Variants in STPG2 observed in about 807,000 individuals in gnomAD.
STPG2 encodes the protein sperm-tail PG-rich repeat-containing protein 2.
A neutral mutation model predicts 54.2 loss-of-function variants in STPG2; 56 were observed. That is an observed-to-expected ratio of 1.03 (90% confidence interval 0.83 to 1.29). STPG2 has a LOEUF of 1.29. Ranked by LOEUF, STPG2 falls within the 50% of genes most tolerant of loss-of-function variation. The pLI is 0.00. For synonymous variants in STPG2, 200 were observed against 181.8 expected (o/e 1.10, Z -0.81); for missense variants, 596 against 544.9 (o/e 1.09, Z -0.93).
chr4:97,963,581 G>A (rs1733977082), intron 7 of STPG2, among the ~76,000 whole-genome samples: 1 of 152,010 alleles, frequency 6.6e-6, no homozygotes, highest in Admixed American at 6.6e-5. Context: ...CTTGAACCCA[G>A]GAGGGCAAGG....
At chr4:97,842,101 C>T (rs956438256) in intron 8 of STPG2, among the ~76,000 whole-genome samples, 1 of 151,814 alleles carries the variant, frequency 6.6e-6, no homozygotes, top group Non-Finnish European at 1.5e-5. Flanking sequence ...TTGTTCCTTA[C>T]ATCCATATTA....
intron 7 of STPG2, among the ~76,000 whole-genome samples, chr4:97,969,202 T>A (rs1407968593): frequency 6.6e-6 from 1 of 152,236 alleles, no homozygotes; most frequent in Non-Finnish European, 1.5e-5. Context: ...TTGCTGCAAC[T>A]GTTACTGCTG....
At chr4:97,791,140 G>A (rs1225578441) in intron 9 of STPG2, among the ~76,000 whole-genome samples, 1 of 152,122 alleles carries the variant, frequency 6.6e-6, no homozygotes, top group Non-Finnish European at 1.5e-5. Flanking sequence ...ATAAAACCTT[G>A]TGGGTAAGGT....
intron 10 of STPG2, among the ~76,000 whole-genome samples, chr4:97,708,041 C>T (rs1055852940): frequency 2.0e-5 from 3 of 152,040 alleles, no homozygotes; most frequent in Non-Finnish European, 4.4e-5. Flanking sequence ...TTTGGTCTGA[C>T]TTTCTACTCT....
At chr4:98,049,338 G>A (rs1420361788) in intron 5 of STPG2, among the ~76,000 whole-genome samples, 2 of 152,138 alleles carry the variant, frequency 1.3e-5, no homozygotes, top group African/African-American at 4.8e-5. Context: ...ATGAGCTTGA[G>A]CTTCCTCAGC....
At chr4:97,992,039 T>C (rs1436217258) in intron 5 of STPG2, among the ~76,000 whole-genome samples, 1 of 152,160 alleles carries the variant, frequency 6.6e-6, no homozygotes, top group Non-Finnish European at 1.5e-5. Context: ...TTTCTCCCAC[T>C]CTATGGGTTA....
intron 4 of STPG2, among the ~76,000 whole-genome samples, chr4:97,453,441 G>T (rs1729429706): frequency 6.6e-6 from 1 of 152,218 alleles, no homozygotes; most frequent in Non-Finnish European, 1.5e-5. Context: ...GCCAGGCTGA[G>T]TGGGCAGAAC....
chr4:97,628,170 G>C (rs959470336), intron 10 of STPG2, among the ~76,000 whole-genome samples: 1 of 152,120 alleles, frequency 6.6e-6, no homozygotes, highest in African/African-American at 2.4e-5. Context: ...TCAGTGTGTA[G>C]TATAGTCAGG....
intron 7 of STPG2, among the ~76,000 whole-genome samples, chr4:97,964,790 GTTA>G (rs1246862994): frequency 6.6e-6 from 1 of 152,100 alleles, no homozygotes; most frequent in African/African-American, 2.4e-5. Context: ...ACAAAATTCA[GTTA>G]TTACTTGTAC....
chr4:97,669,744 C>T (rs1410482785), intron 10 of STPG2, among the ~76,000 whole-genome samples: 2 of 111,392 alleles, frequency 1.8e-5, no homozygotes, highest in Non-Finnish European at 3.6e-5. Flanking sequence ...TGCAGTGAGC[C>T]GAGATTGCGC....
chr4:97,882,542 A>C (rs1323795067), intron 8 of STPG2, among the ~76,000 whole-genome samples: 1 of 152,204 alleles, frequency 6.6e-6, no homozygotes, highest in Non-Finnish European at 1.5e-5. Context: ...CATGGATCTG[A>C]CTAAAGCTAT....
At chr4:98,061,748 C>A (rs1219073374) in intron 5 of STPG2, among the ~76,000 whole-genome samples, 1 of 152,054 alleles carries the variant, frequency 6.6e-6, no homozygotes, top group Non-Finnish European at 1.5e-5. Context: ...CAATGAGATA[C>A]CAATCTCACA....
intron 5 of STPG2, among the ~76,000 whole-genome samples, chr4:98,046,101 T>A (rs1737120063): frequency 1.7e-5 from 1 of 59,312 alleles, no homozygotes; most frequent in Non-Finnish European, 3.9e-5. Flanking sequence ...TGACCTGTCT[T>A]CAAATTCACT....
intron 10 of STPG2, among the ~76,000 whole-genome samples, chr4:97,692,562 C>T (rs1723406261): frequency 6.6e-6 from 1 of 152,062 alleles, no homozygotes; most frequent in South Asian, 2.1e-4. Context: ...AACAACCAAA[C>T]CTAACAATAA....
chr4:98,011,934 T>A (rs1471549453), intron 5 of STPG2, among the ~76,000 whole-genome samples: 1 of 152,208 alleles, frequency 6.6e-6, no homozygotes, highest in Non-Finnish European at 1.5e-5. Context: ...TGATAGTTTA[T>A]TTTGCTGTGC....
intron 9 of STPG2, among the ~76,000 whole-genome samples, chr4:97,838,529 A>C (rs1405744916): frequency 6.7e-6 from 1 of 149,210 alleles, no homozygotes; most frequent in Non-Finnish European, 1.5e-5. Context: ...TATATTGATC[A>C]AAAAAAACGT....
rs181294419 is a variant in STPG2, at chr4:97,957,530, G to C, written c.934-13523C>G. The stretch of plus-strand genomic sequence containing the variant: ...AAGTGAGGAAAACGTTCCCAGCCTT[G>C]CTAAAGACCTAGACATCCAAATACA... On this transcript the variant is annotated intron_variant, in intron 7 of 10. Coordinates refer to ENST00000295268, the MANE Select transcript of STPG2 (RefSeq NM_174952.3). 7.6e-3 allele frequency among the ~76,000 whole-genome samples: 1,164 copies of C among 152,208 alleles called. 52 individuals are homozygous for C. Among genetic ancestry groups the C allele is most frequent in the Admixed American group, 0.07 (1,073 of 15,274 alleles).
At chr4:97,921,331 A>G (rs1732098002) in intron 8 of STPG2, among the ~76,000 whole-genome samples, 1 of 152,142 alleles carries the variant, frequency 6.6e-6, no homozygotes, top group Non-Finnish European at 1.5e-5. Context: ...CCCAGTTTCC[A>G]AAGTGGCCTG....
chr4:97,656,404 T>C (rs931141666), intron 10 of STPG2, among the ~76,000 whole-genome samples: 4 of 152,162 alleles, frequency 2.6e-5, no homozygotes, highest in African/African-American at 4.8e-5. Flanking sequence ...GGGAAGGATT[T>C]GAGTAATGTA....
Sources: allele counts gnomAD v4.1 joint callset (sites outside exome capture counted in the v4.1 genomes callset), GRCh38; gene constraint gnomAD v4.1.1; transcripts MANE v1.5; gene names NCBI Gene and HGNC (gene_info 2026-07-23, HGNC 2026-07-21).